The following ARHGEF38 variants were observed in gnomAD, a reference collection of about 807,000 sequenced individuals.
The protein encoded by ARHGEF38 is Rho guanine nucleotide exchange factor (GEF) 38.
Under a neutral mutation model 79.9 loss-of-function variants are expected in ARHGEF38, and 79 were observed. The ratio of observed to expected loss-of-function variants is 0.99; its 90% CI spans 0.82 to 1.19. ARHGEF38 has a LOEUF of 1.19. ARHGEF38 is among the 50% of genes most tolerant of loss of function. The probability of loss-of-function intolerance (pLI) is 0.00; values close to 1 mark genes in which losing one functional copy is unlikely to be tolerated. For missense variants in ARHGEF38, 962 were observed against 907.2 expected (o/e 1.06, Z -0.78); for synonymous variants, 366 against 328.3 (o/e 1.11, Z -1.24).
chr4:105,638,746 A>G (rs1729501238), intron 5 of ARHGEF38, among the ~76,000 whole-genome samples: 1 of 151,234 alleles, frequency 6.6e-6, no homozygotes, highest in Non-Finnish European at 1.5e-5. Context: ...TTCATCATCA[A>G]TATGTTGTGA....
At chr4:105,554,127 G>A (rs1482678586) in intron 1 of ARHGEF38, among the ~76,000 whole-genome samples, 1 of 151,626 alleles carries the variant, frequency 6.6e-6, no homozygotes, top group Admixed American at 6.6e-5. Context: ...TTTAAAATGA[G>A]GGAGAGCATT....
At chr4:105,654,758 T>A (rs1267946291) in intron 8 of ARHGEF38, among the ~76,000 whole-genome samples, 1 of 151,698 alleles carries the variant, frequency 6.6e-6, no homozygotes, top group African/African-American at 2.4e-5. Context: ...CAGTCAGAGG[T>A]TTTTTCTAAT....
At chr4:105,583,119 T>C (rs1269508584) in intron 1 of ARHGEF38, among the ~76,000 whole-genome samples, 2 of 152,220 alleles carry the variant, frequency 1.3e-5, no homozygotes, top group Non-Finnish European at 2.9e-5. Context: ...GACTGCCTTA[T>C]ATTTGTTTTT....
chr4:105,592,904 A>T (rs553349175), intron 2 of ARHGEF38, among the ~76,000 whole-genome samples: 42 of 152,200 alleles, frequency 2.8e-4, no homozygotes, highest in African/African-American at 9.6e-4. Flanking sequence ...ATGAAGGATG[A>T]CCTCTCTCTG....
chr4:105,562,067 A>C (rs1221654411), intron 1 of ARHGEF38, among the ~76,000 whole-genome samples: 1 of 152,174 alleles, frequency 6.6e-6, no homozygotes, highest in African/African-American at 2.4e-5. Context: ...CAGGGAGGGC[A>C]CTTTTCTCAT....
chr4:105,670,703 A>G (rs906673957), intron 13 of ARHGEF38, among the ~76,000 whole-genome samples: 1 of 152,196 alleles, frequency 6.6e-6, no homozygotes, highest in African/African-American at 2.4e-5. Flanking sequence ...CAGTTTCTAA[A>G]AAACATATTA....
intron 2 of ARHGEF38, among the ~76,000 whole-genome samples, chr4:105,612,096 G>A (rs1479160055): frequency 1.3e-5 from 2 of 152,050 alleles, no homozygotes; most frequent in Non-Finnish European, 2.9e-5. Context: ...AATAATATTG[G>A]TATCCAATAT....
intron 13 of ARHGEF38, among the ~76,000 whole-genome samples, chr4:105,672,729 C>G (rs4536931): frequency 0.97 from 147,008 of 152,326 alleles, 70,956 homozygotes; most frequent in East Asian, 1. Context: ...TGCAATCTAG[C>G]TGTTTGCTGG....
intron 2 of ARHGEF38, among the ~76,000 whole-genome samples, chr4:105,595,097 C>T (rs1205717940): frequency 6.6e-6 from 1 of 151,944 alleles, no homozygotes; most frequent in Non-Finnish European, 1.5e-5. Flanking sequence ...TAATTATTTT[C>T]AGTTGCTAAA....
intron 2 of ARHGEF38, among the ~76,000 whole-genome samples, chr4:105,603,250 G>T (rs572953520): frequency 6.6e-6 from 1 of 152,196 alleles, no homozygotes; most frequent in East Asian, 1.9e-4. Flanking sequence ...TATGAAGCAG[G>T]TTTAAGTGTT....
chr4:105,574,182 T>C (rs977897625), intron 1 of ARHGEF38, among the ~76,000 whole-genome samples: 1 of 152,180 alleles, frequency 6.6e-6, no homozygotes, highest in Non-Finnish European at 1.5e-5. Context: ...TTCTTTTTTT[T>C]CCACTTTGGA....
Position 105,610,957 on chromosome 4 carries a change from C to CT in ARHGEF38, c.385-2426dup, listed in dbSNP as rs148096979. Among the ~76,000 whole-genome samples, 490 of 152,166 alleles carry CT rather than the reference C, an allele frequency of 3.2e-3. 3 individuals carry two copies. The highest frequency in any genetic ancestry group is 2.5e-3 in the Non-Finnish European group (172 of 67,966). ...ATCTAAACAGAGATAGTAAAGTACT[C>CT]TATTATTAATATTTCCTGGTAAAGA... On this transcript the variant is annotated intron_variant, in intron 2 of 13. Coordinates refer to ENST00000420470, the MANE Select transcript of ARHGEF38 (RefSeq NM_001242729.2).
downstream of ARHGEF38, among the ~76,000 whole-genome samples, chr4:105,682,046 G>A (rs547455206): frequency 6.6e-6 from 1 of 152,232 alleles, no homozygotes; most frequent in African/African-American, 2.4e-5. Context: ...TACGTACTAT[G>A]TGCATGTATT....
intron 1 of ARHGEF38, among the ~76,000 whole-genome samples, chr4:105,566,676 G>A (rs1384249689): frequency 6.6e-6 from 1 of 150,476 alleles, no homozygotes; most frequent in Admixed American, 6.6e-5. Flanking sequence ...TTCTAACTAT[G>A]TTTTTGTACC....
intron 2 of ARHGEF38, among the ~76,000 whole-genome samples, chr4:105,593,356 G>A (rs1727426857): frequency 6.6e-6 from 1 of 151,820 alleles, no homozygotes; most frequent in East Asian, 1.9e-4. Flanking sequence ...AGCCTGGGCA[G>A]CATAGGGAGA....
At chr4:105,579,789 T>C (rs1489060932) in intron 1 of ARHGEF38, among the ~76,000 whole-genome samples, 1 of 152,168 alleles carries the variant, frequency 6.6e-6, no homozygotes, top group Non-Finnish European at 1.5e-5. Flanking sequence ...TTTTTTGGAA[T>C]AGCTTCGGTA....
At chr4:105,579,153 G>A (rs1726653864) in intron 1 of ARHGEF38, among the ~76,000 whole-genome samples, 1 of 152,020 alleles carries the variant, frequency 6.6e-6, no homozygotes, top group Admixed American at 6.5e-5. Context: ...CCAGGACTAT[G>A]GGGTTTCCTA....
intron 8 of ARHGEF38, 44 bp downstream of exon 8, chr4:105,654,213 G>A: frequency 8.9e-7 from 1 of 1,118,466 alleles, no homozygotes. Context: ...AGGAACATCT[G>A]ATACAAACCA....
chr4:105,566,189 T>C (rs1725878574), intron 1 of ARHGEF38, among the ~76,000 whole-genome samples: 1 of 152,230 alleles, frequency 6.6e-6, no homozygotes, highest in Admixed American at 6.5e-5. Flanking sequence ...CTCTATCACT[T>C]GTACTTCAGC....
Sources: allele counts gnomAD v4.1 joint callset (sites outside exome capture counted in the v4.1 genomes callset), GRCh38; gene constraint gnomAD v4.1.1; transcripts MANE v1.5; gene names NCBI Gene and HGNC (gene_info 2026-07-23, HGNC 2026-07-21).